TRRAP: variants seen among roughly 807,000 people sequenced by gnomAD.
TRRAP encodes transformation/transcription domain-associated protein.
Under a neutral mutation model 438.8 loss-of-function variants are expected in TRRAP, and 41 were observed. That is an observed-to-expected ratio of 0.09 (90% CI 0.07 to 0.12). The LOEUF (loss-of-function observed/expected upper bound fraction) is 0.12, where lower values mean the gene tolerates loss of function less well. Ranked by LOEUF, TRRAP falls within the 10% of genes least tolerant of loss-of-function variation. The pLI is 1.00. For missense variants in TRRAP, 3,122 were observed against 5,055.1 expected (o/e 0.62, Z 11.60); for synonymous variants, 1,994 against 1,962.9 (o/e 1.02, Z -0.42).
chr7:98,933,497 G>A lies in TRRAP; in HGVS notation c.4014+95G>A. The stretch of plus-strand genomic sequence containing the variant: ...GAAGACTGGTCAGGCAGCATTCAGA[G>A]AAGGCTCGGGCGGGGACCTGCAGGT... On this transcript the variant is annotated intron_variant, in intron 27 of 72. Transcript: ENST00000456197. 3 of 1,489,430 alleles carry A rather than the reference G, an allele frequency of 2.0e-6. No individual in the cohort carries two copies. The South Asian group carries it at 4.1e-5, about 20-fold the overall frequency. 92.3% of individuals were successfully genotyped at this position (1,489,430 alleles called of 1,614,324 possible). A position where few individuals can be genotyped will look rare whatever the true frequency, so the allele number is the denominator to read the frequency against.
chr7:98,951,021 T>C lies in TRRAP; in HGVS notation c.5463+17T>C, dbSNP rs1791309611. ...ATTACCAAGGTGGTATCACTATGTG[T>C]GTGGGTGTGAGAAGTAGCCTGGCAT... On this transcript the variant is annotated intron_variant, in intron 39 of 72. Coordinates refer to ENST00000456197, the MANE Select transcript of TRRAP (RefSeq NM_001375524.1). The C allele has an allele frequency of 6.4e-7, 1 of 1,573,218 alleles. No individual in the cohort carries two copies. The highest frequency in any genetic ancestry group is 2.3e-5 in the East Asian group (1 of 43,888).
intron 13 of TRRAP, among the ~76,000 whole-genome samples, chr7:98,907,904 G>C (rs926558277): frequency 2.7e-5 from 4 of 150,780 alleles, no homozygotes; most frequent in Middle Eastern, 6.9e-3. Context: ...AGCCATGCTG[G>C]CCCCTACAGC....
chr7:98,948,319 G>A lies in TRRAP; in HGVS notation c.4647G>A (p.Thr1549=), dbSNP rs781933256. ...VKPLLEVVMK[T]ERAMLIEAGS... Reference sequence around the variant, plus strand: ...CTTTGCTAGAGGTTGTCATGAAAACGGAGCGGGCGATGCTGATCGAGGTAA... The same window carrying A: ...CTTTGCTAGAGGTTGTCATGAAAACAGAGCGGGCGATGCTGATCGAGGTAA... Residue 1549 remains threonine (T), a synonymous_variant, in exon 34 of 73, where the codon ACG becomes ACA. Transcript: ENST00000456197. The surrounding 1 kb of genome is among the most constrained non-coding windows in gnomAD (Gnocchi z 4.9). 55 of 1,614,072 alleles carry A rather than the reference G, an allele frequency of 3.4e-5. No homozygotes were observed. Among genetic ancestry groups the A allele is most frequent in the South Asian group, 6.6e-5 (6 of 91,084 alleles).
At chr7:98,999,632 GT>G (rs1698737290) in intron 67 of TRRAP, 1 of 894,296 alleles carries the variant, frequency 1.1e-6, no homozygotes, top group African/African-American at 1.7e-5. Flanking sequence ...AGCTGAGTTG[GT>G]GACAGCAATT....
At chr7:98,903,685 C>T (rs189490350) in intron 12 of TRRAP, among the ~76,000 whole-genome samples, 168 bp downstream of exon 12, 1 of 152,280 alleles carries the variant, frequency 6.6e-6, no homozygotes, top group East Asian at 1.9e-4. Flanking sequence ...CTCTGCCTCC[C>T]TGTATTAGTC....
chr7:98,940,906 G>A (rs1423353750), intron 30 of TRRAP, among the ~76,000 whole-genome samples: 3 of 152,144 alleles, frequency 2.0e-5, no homozygotes, highest in Non-Finnish European at 4.4e-5. Context: ...ATAAGCCTTC[G>A]AGTTTAATAG....
Position 98,909,044 on chromosome 7 carries a change from G to A in TRRAP, c.1350+82G>A, listed in dbSNP as rs1449674880. The A allele has an allele frequency of 2.7e-5, 28 of 1,021,400 alleles. No individual in the cohort carries two copies. In the East Asian group the frequency reaches 7.0e-4, roughly 25 times the overall value. 63.3% of individuals were successfully genotyped at this position (1,021,400 alleles called of 1,614,324 possible). A position where few individuals can be genotyped will look rare whatever the true frequency, so the allele number is the denominator to read the frequency against. ...ATTTTTTTTTTTTTTTTTTTTTTGA[G>A]ACAGATCCTTGTTCTGTTGCCTAGG... On this transcript the variant is annotated intron_variant, in intron 14 of 72. Transcript: ENST00000456197.
At chr7:98,931,347 G>T in intron 25 of TRRAP, 58 bp from the exon 26 acceptor site, 1 of 1,584,814 alleles carries the variant, frequency 6.3e-7, no homozygotes. Context: ...TGCAGGAGAC[G>T]GCAGTTGCAG....
intron 23 of TRRAP, among the ~76,000 whole-genome samples, chr7:98,929,594 CT>C (rs1394106629): frequency 2.7e-5 from 4 of 148,556 alleles, no homozygotes; most frequent in Admixed American, 6.7e-5. Context: ...TATGGAGTTT[CT>C]TTTTTTTTTA....
intron 18 of TRRAP, 26 bp downstream of exon 18, chr7:98,912,239 G>C (rs1044283535): frequency 2.5e-6 from 4 of 1,606,766 alleles, no homozygotes; most frequent in Middle Eastern, 1.7e-4. Context: ...TCTAAGTAGT[G>C]CTTCTGTTCA....
intron 31 of TRRAP, among the ~76,000 whole-genome samples, chr7:98,945,287 T>C (rs1790998021): frequency 6.6e-6 from 1 of 152,222 alleles, no homozygotes; most frequent in African/African-American, 2.4e-5. Flanking sequence ...CTGCTTACTT[T>C]ACATGATAAC....
Position 98,994,397 on chromosome 7 carries a change from G to T in TRRAP, c.10048-190G>T, listed in dbSNP as rs772805543. On this transcript the variant is annotated intron_variant, in intron 66 of 72. Transcript: ENST00000456197. The surrounding 1 kb of genome is among the most constrained non-coding windows in gnomAD (Gnocchi z 4.8). ...TTACTCCCCAAGGTCAAAAGCGCCTGCTCCCATGTGGCATGCACAGGCGTC... is the reference window on the plus strand; with the variant it reads ...TTACTCCCCAAGGTCAAAAGCGCCTTCTCCCATGTGGCATGCACAGGCGTC... Among the ~76,000 whole-genome samples the T allele has an allele frequency of 6.6e-6, 1 of 152,202 alleles. No homozygotes were observed. Among genetic ancestry groups the T allele is most frequent in the Non-Finnish European group, 1.5e-5 (1 of 68,032 alleles).
At chr7:98,905,814 C>A (rs73155617) in intron 12 of TRRAP, among the ~76,000 whole-genome samples, 4,162 of 152,296 alleles carry the variant, frequency 0.027, 82 homozygotes, top group South Asian at 0.054. Context: ...AGATCCTGTT[C>A]CCTTGTCCAA....
At chr7:98,957,907 G>A (rs1000257447) in intron 43 of TRRAP, 74 bp from the exon 44 acceptor site, 1 of 1,328,146 alleles carries the variant, frequency 7.5e-7, no homozygotes, top group Admixed American at 1.9e-5. Context: ...CCCATTAGCT[G>A]GGTGAAAAGT....
intron 57 of TRRAP, 63 bp from the exon 58 acceptor site, chr7:98,978,706 C>T: frequency 1.9e-6 from 3 of 1,606,730 alleles, no homozygotes; most frequent in African/African-American, 1.3e-5. Flanking sequence ...CCTGTCCCTG[C>T]CTTTGTGAAT....
intron 53 of TRRAP, among the ~76,000 whole-genome samples, chr7:98,974,341 C>G (rs1336633021): frequency 1.3e-5 from 2 of 152,180 alleles, no homozygotes; most frequent in African/African-American, 2.4e-5. Flanking sequence ...CAGGTGCCAC[C>G]AGCTCTTCTT....
chr7:98,903,066 T>C (rs2116365033), intron 11 of TRRAP, among the ~76,000 whole-genome samples: 1 of 151,820 alleles, frequency 6.6e-6, no homozygotes, highest in Non-Finnish European at 1.5e-5. Context: ...CACTCTTTCA[T>C]GCTGGAGTGC....
At chr7:98,947,478 C>T (rs1376126346) in intron 33 of TRRAP, among the ~76,000 whole-genome samples, 1 of 149,198 alleles carries the variant, frequency 6.7e-6, no homozygotes, top group East Asian at 2.0e-4. Flanking sequence ...TTTTTTGAGA[C>T]CGGGTCTCAT....
At position 98,964,038 on chromosome 7, in the gene TRRAP, G is replaced by A. The variant is rs901757166; in HGVS notation, c.6830-591G>A. 4.7e-5 allele frequency among the ~76,000 whole-genome samples: 7 copies of A among 148,080 alleles called. 1 individual carries two copies. The South Asian group carries it at 1.1e-3, about 23-fold the overall frequency. ...AGAGGTTGCAGTGAGCCGAGATTACGCCACTGCACTCCAGCCTGGGTGATA... is the reference window on the plus strand; with the variant it reads ...AGAGGTTGCAGTGAGCCGAGATTACACCACTGCACTCCAGCCTGGGTGATA... On this transcript the variant is annotated intron_variant, in intron 47 of 72. Transcript: ENST00000456197.
Sources: allele counts gnomAD v4.1 joint callset (sites outside exome capture counted in the v4.1 genomes callset), GRCh38; gene constraint gnomAD v4.1.1; non-coding constraint Gnocchi (gnomAD v3.1); transcripts MANE v1.5; gene names NCBI Gene and HGNC (gene_info 2026-07-23, HGNC 2026-07-21).